Variants in GPC3 observed in about 807,000 individuals in gnomAD.
GPC3 encodes the protein glypican 3, also known as glypican-3.
GPC3 carries 3 observed loss-of-function variants against 34.4 expected under a neutral mutation model. The observed-to-expected ratio is 0.09, with a 90% CI of 0.04 to 0.23. The LOEUF (loss-of-function observed/expected upper bound fraction) is 0.23, where lower values mean the gene tolerates loss of function less well. Among genes scored for constraint, GPC3 ranks in the 10% least tolerant of loss-of-function variants. The pLI is 1.00. For missense variants in GPC3, 351 were observed against 445.6 expected (o/e 0.79, Z 1.91); for synonymous variants, 177 against 174.0 (o/e 1.02, Z -0.13).
chrX:133,563,311 A>T (rs1191436022), intron 7 of GPC3, among the ~76,000 whole-genome samples: 2 of 111,055 alleles, frequency 1.8e-5, no homozygotes, highest in Non-Finnish European at 3.8e-5. Flanking sequence ...GCTCACTGAC[A>T]CCTCAAACCC....
intron 3 of GPC3, among the ~76,000 whole-genome samples, chrX:133,729,669 C>T (rs1180196114): frequency 8.9e-6 from 1 of 111,947 alleles, no homozygotes; most frequent in East Asian, 2.8e-4. Context: ...GCAGTATTGG[C>T]TACTGCTACT....
chrX:133,937,283 C>A (rs956530128), intron 2 of GPC3, among the ~76,000 whole-genome samples: 4 of 111,143 alleles, frequency 3.6e-5, no homozygotes, highest in Non-Finnish European at 5.6e-5. Context: ...CATGTGCACA[C>A]ACAAAGACAC....
At chrX:133,984,958 A>T (rs1251163580) in intron 1 of GPC3, among the ~76,000 whole-genome samples, 1 of 111,595 alleles carries the variant, frequency 9.0e-6, no homozygotes, top group Non-Finnish European at 1.9e-5. Context: ...CAGTTCGCAG[A>T]GACCCGGGAA....
chrX:133,800,814 T>C (rs751631501), intron 2 of GPC3, among the ~76,000 whole-genome samples: 2 of 111,876 alleles, frequency 1.8e-5, no homozygotes, highest in Admixed American at 9.5e-5. Context: ...AAATGCATCA[T>C]GGAAGAAGAC....
At chrX:133,545,917 A>G (rs2069381211) in intron 7 of GPC3, among the ~76,000 whole-genome samples, 1 of 111,399 alleles carries the variant, frequency 9.0e-6, no homozygotes, top group African/African-American at 3.3e-5. Context: ...AGCCAAAAAA[A>G]AAAAGGAATG....
intron 2 of GPC3, among the ~76,000 whole-genome samples, chrX:133,759,983 C>A (rs2071770619): frequency 9.0e-6 from 1 of 111,395 alleles, no homozygotes; most frequent in Non-Finnish European, 1.9e-5. Context: ...AAGATCTGAA[C>A]AGACATCTCA....
chrX:133,700,133 G>T, intron 3 of GPC3, 105 bp from the exon 4 acceptor site: 2 of 610,912 alleles, frequency 3.3e-6, no homozygotes, highest in Non-Finnish European at 5.4e-6. Context: ...TTAAATAGCA[G>T]AACAAAGCTA....
In GPC3 at chrX:133,671,996, C is replaced by T. The variant is rs748525173; in HGVS notation, c.1293-10146G>A. Among the ~76,000 whole-genome samples the T allele has an allele frequency of 4.5e-5, 5 of 112,168 alleles. No homozygotes were observed. The East Asian group carries it at 1.4e-3, about 31-fold the overall frequency. ...CATTAGAATCTGTTTACAGTGCAGT[C>T]TCCAACCTTACTTTGAGGAGGGACT... On this transcript the variant is annotated intron_variant, in intron 5 of 7. Transcript: ENST00000370818.
intron 7 of GPC3, among the ~76,000 whole-genome samples, chrX:133,554,491 A>G (rs1330554453): frequency 1.8e-5 from 2 of 110,623 alleles, no homozygotes; most frequent in Non-Finnish European, 3.8e-5. Context: ...ACTTCCTTGT[A>G]GTTTCAGTAA....
chrX:133,554,781 G>A (rs956941998), intron 7 of GPC3, among the ~76,000 whole-genome samples: 1 of 111,894 alleles, frequency 8.9e-6, no homozygotes, highest in Non-Finnish European at 1.9e-5. Flanking sequence ...ACAGCAGTAG[G>A]GGCTACCAGC....
intron 2 of GPC3, among the ~76,000 whole-genome samples, chrX:133,856,031 G>T (rs1009361785): frequency 1.4e-4 from 16 of 111,707 alleles, no homozygotes; most frequent in African/African-American, 4.9e-4. Flanking sequence ...CCATTTGTCT[G>T]TCAATATTTC....
chrX:133,950,069 GAAGAAA>G (rs1311481884), intron 2 of GPC3, among the ~76,000 whole-genome samples: 1 of 111,688 alleles, frequency 9.0e-6, no homozygotes, highest in Non-Finnish European at 1.9e-5. Context: ...AGGTAGGGGA[GAAGAAA>G]AAGAAAAAGA....
At chrX:133,880,902 A>G (rs1298026333) in intron 2 of GPC3, among the ~76,000 whole-genome samples, 2 of 112,080 alleles carry the variant, frequency 1.8e-5, no homozygotes, top group South Asian at 3.7e-4. Flanking sequence ...CCAGCTCTGT[A>G]TATCTTTAAT....
intron 2 of GPC3, among the ~76,000 whole-genome samples, chrX:133,949,045 C>T (rs1406562684): frequency 1.8e-5 from 2 of 111,912 alleles, no homozygotes; most frequent in African/African-American, 3.2e-5. Context: ...AGCAGGACTG[C>T]AATTTTTATG....
intron 2 of GPC3, among the ~76,000 whole-genome samples, chrX:133,936,662 CAAAAT>C (rs1306725548): frequency 3.6e-5 from 4 of 112,018 alleles, no homozygotes; most frequent in Non-Finnish European, 7.5e-5. Context: ...TTCATCATAA[CAAAAT>C]AAATAATTCA....
At chrX:133,917,848 T>C (rs908913380) in intron 2 of GPC3, among the ~76,000 whole-genome samples, 3 of 111,832 alleles carry the variant, frequency 2.7e-5, no homozygotes, top group Non-Finnish European at 5.6e-5. Flanking sequence ...AATGTGATGG[T>C]ATTAAATATG....
At chrX:133,805,363 A>C (rs1044925516) in intron 2 of GPC3, among the ~76,000 whole-genome samples, 1 of 111,630 alleles carries the variant, frequency 9.0e-6, no homozygotes, top group African/African-American at 3.3e-5. Context: ...AATGTCTCAG[A>C]AAAGGAATTG....
chrX:133,969,049 GT>G (rs2076477542), intron 1 of GPC3, among the ~76,000 whole-genome samples: 1 of 108,264 alleles, frequency 9.2e-6, no homozygotes, highest in South Asian at 4.1e-4. Context: ...TTTTAAGTGT[GT>G]TTTTGCAACT....
At chrX:133,866,763 A>T (rs2075969375) in intron 2 of GPC3, among the ~76,000 whole-genome samples, 1 of 111,023 alleles carries the variant, frequency 9.0e-6, no homozygotes, top group Admixed American at 9.6e-5. Flanking sequence ...AATGCCCCCC[A>T]AACTTCTCTA....
Sources: gnomAD v4.1 joint callset for allele counts (sites outside exome capture counted in the v4.1 genomes callset) on GRCh38, gnomAD v4.1.1 for gene constraint, MANE v1.5 for transcripts, NCBI Gene and HGNC (gene_info 2026-07-23, HGNC 2026-07-21) for gene names.